The following KCNQ1 variants were observed in gnomAD, a reference collection of about 807,000 sequenced individuals.
KCNQ1 encodes potassium voltage-gated channel subfamily KQT member 1.
A neutral mutation model predicts 72.4 loss-of-function variants in KCNQ1; 49 were observed. That is an observed-to-expected ratio of 0.68 (90% CI 0.54 to 0.86). The LOEUF (loss-of-function observed/expected upper bound fraction) is 0.86. Among genes scored for constraint, KCNQ1 ranks in the 40% least tolerant of loss-of-function variants. The probability of loss-of-function intolerance (pLI) is 0.00; values close to 1 mark genes in which losing one functional copy is unlikely to be tolerated. For synonymous variants in KCNQ1, 450 were observed against 412.6 expected (o/e 1.09, Z -1.10); for missense variants, 790 against 945.1 (o/e 0.84, Z 2.15).
Position 2,848,635 on chromosome 11 carries a change from C to A in KCNQ1, c.*632C>A, listed in dbSNP as rs568824453. The A allele has an allele frequency of 6.6e-6, 3 of 452,054 alleles. No homozygotes were observed. In the Admixed American group the frequency reaches 7.1e-5, roughly 11 times the overall value. 28.0% of individuals were successfully genotyped at this position (452,054 alleles called of 1,614,324 possible). On this transcript the variant is annotated 3_prime_UTR_variant, in exon 16 of 16. Coordinates refer to ENST00000155840, the MANE Select transcript of KCNQ1 (RefSeq NM_000218.3). ...ACAGTCTCACCATTTCCCCAGGGCACGTGGTTGAGTGGGGGGAACGCCCAC... is the reference window on the plus strand; with the variant it reads ...ACAGTCTCACCATTTCCCCAGGGCAAGTGGTTGAGTGGGGGGAACGCCCAC...
In KCNQ1 at chr11:2,767,186, A is replaced by AT. The variant is rs113175447; in HGVS notation, c.1515-1647dup. On this transcript the variant is annotated intron_variant, in intron 11 of 15. Transcript: ENST00000155840. This position sits in a 1 kb window ranked among gnomAD's most constrained non-coding sequence, Gnocchi z 4.6. Reference sequence around the variant, plus strand: ...CATCTATATGTGTGTGTGTGTGTGTATTTTTTTTTTTCTTTGCTTAGCTAG... The same window carrying AT: ...CATCTATATGTGTGTGTGTGTGTGTATTTTTTTTTTTTCTTTGCTTAGCTAG... 7.5e-4 allele frequency among the ~76,000 whole-genome samples: 111 copies of AT among 147,580 alleles called. No individual in the cohort carries two copies. The highest frequency in any genetic ancestry group is 1.0e-3 in the Non-Finnish European group (69 of 66,578).
chr11:2,827,979 G>A lies in KCNQ1; in HGVS notation c.1795-19788G>A, dbSNP rs370478796. Among the ~76,000 whole-genome samples, 24 of 152,288 alleles carry A rather than the reference G, an allele frequency of 1.6e-4. No individual in the cohort carries two copies. Among genetic ancestry groups the A allele is most frequent in the South Asian group, 4.1e-4 (2 of 4,822 alleles). On this transcript the variant is annotated intron_variant, in intron 15 of 15. Coordinates refer to ENST00000155840, the MANE Select transcript of KCNQ1 (RefSeq NM_000218.3). This position sits in a 1 kb window ranked among gnomAD's most constrained non-coding sequence, Gnocchi z 6.7. The stretch of plus-strand genomic sequence containing the variant: ...CCCTGAGTCCAAGCCAGGCACCACC[G>A]GGCACATAGAGGTCTTGAAAGCTCG...
intron 10 of KCNQ1, chr11:2,646,609 T>C: frequency 2.5e-6 from 1 of 398,702 alleles, no homozygotes; most frequent in East Asian, 3.6e-5. Context: ...CACTGCAACC[T>C]TCACCTCCGA....
rs1474846324 is a variant in KCNQ1 at position 2,549,594 on chromosome 11, GACAC to G, written c.478-21033_478-21030del. On this transcript the variant is annotated intron_variant, in intron 2 of 15. Coordinates refer to ENST00000155840, the MANE Select transcript of KCNQ1 (RefSeq NM_000218.3). The surrounding 1 kb of genome is among the most constrained non-coding windows in gnomAD (Gnocchi z 6.2). ...CGTGACCTGCTCATAGCACAGCTGG[GACAC>G]TTCCAGTGACTGCTCTGCGAGGCCC... Among the ~76,000 whole-genome samples, 2 of 150,702 alleles carry G rather than the reference GACAC, an allele frequency of 1.3e-5. No homozygotes were observed. The highest frequency in any genetic ancestry group is 6.6e-5 in the Admixed American group (1 of 15,176).
At position 2,682,545 on chromosome 11, in the gene KCNQ1, C is replaced by T. The variant is rs1850416871; in HGVS notation, c.1514+20464C>T. On this transcript the variant is annotated intron_variant, in intron 11 of 15. Transcript: ENST00000155840. The surrounding 1 kb of genome is among the most constrained non-coding windows in gnomAD (Gnocchi z 5.8). ...GTCAAACCAGGTGCTAGGACCCTGG[C>T]AGGGGTTCCATAAGGCTATGCTGGG... The T allele has an allele frequency of 5.0e-6, 2 of 398,514 alleles. No individual in the cohort carries two copies. Among genetic ancestry groups the T allele is most frequent in the Non-Finnish European group, 8.8e-6 (2 of 226,056 alleles). 24.7% of individuals were successfully genotyped at this position (398,514 alleles called of 1,614,324 possible). A position where few individuals can be genotyped will look rare whatever the true frequency, so the allele number is the denominator to read the frequency against.
Position 2,647,938 on chromosome 11 carries a change from G to A in KCNQ1, c.1394-14023G>A, listed in dbSNP as rs570982327. 4.3e-5 allele frequency: 17 copies of A among 397,994 alleles called. No individual in the cohort carries two copies. Among genetic ancestry groups the A allele is most frequent in the East Asian group, 1.1e-4 (3 of 28,038 alleles). 24.7% of individuals were successfully genotyped at this position (397,994 alleles called of 1,614,324 possible). A position where few individuals can be genotyped will look rare whatever the true frequency, so the allele number is the denominator to read the frequency against. ...TTCAAAAAATCAGTTTTTTGGCTGG[G>A]TTTGTTGGCTCACACCTGTAAACCC... On this transcript the variant is annotated intron_variant, in intron 10 of 15. Coordinates refer to ENST00000155840, the MANE Select transcript of KCNQ1 (RefSeq NM_000218.3). This position sits in a 1 kb window ranked among gnomAD's most constrained non-coding sequence, Gnocchi z 4.0.
chr11:2,815,307 G>T lies in KCNQ1; in HGVS notation c.1795-32460G>T, dbSNP rs1200236041. 6.6e-6 allele frequency among the ~76,000 whole-genome samples: 1 copy of T among 152,162 alleles called. No homozygotes were observed. The highest frequency in any genetic ancestry group is 1.5e-5 in the Non-Finnish European group (1 of 68,032). ...ACTAGAGCCCACATAGGTCTTATGGGTGCCACAGCAGGGACCCCACTGGAC... is the reference window on the plus strand; with the variant it reads ...ACTAGAGCCCACATAGGTCTTATGGTTGCCACAGCAGGGACCCCACTGGAC... On this transcript the variant is annotated intron_variant, in intron 15 of 15. Coordinates refer to ENST00000155840, the MANE Select transcript of KCNQ1 (RefSeq NM_000218.3). This position sits in a 1 kb window ranked among gnomAD's most constrained non-coding sequence, Gnocchi z 5.4.
At chr11:2,476,250 G>T (rs1248248855) in intron 1 of KCNQ1, among the ~76,000 whole-genome samples, 2 of 152,050 alleles carry the variant, frequency 1.3e-5, no homozygotes, top group Non-Finnish European at 2.9e-5. Flanking sequence ...AAGAACCTAT[G>T]CTGGATATCT....
At chr11:2,758,685 CAG>C (rs1300158265) in intron 11 of KCNQ1, among the ~76,000 whole-genome samples, 1 of 152,234 alleles carries the variant, frequency 6.6e-6, no homozygotes, top group Non-Finnish European at 1.5e-5. Flanking sequence ...AACAGGCAAA[CAG>C]TGGTGCATCC....
rs1851026622 is a variant in KCNQ1, at chr11:2,712,733, A to G, written c.1514+50652A>G. ...TCAGCCTTCCTTGCCATCCGCAACCACACCAGTGGCTGGAAAGCCAGAGTC... is the reference window on the plus strand; with the variant it reads ...TCAGCCTTCCTTGCCATCCGCAACCGCACCAGTGGCTGGAAAGCCAGAGTC... On this transcript the variant is annotated intron_variant, in intron 11 of 15. Coordinates refer to ENST00000155840, the MANE Select transcript of KCNQ1 (RefSeq NM_000218.3). The surrounding 1 kb of genome is among the most constrained non-coding windows in gnomAD (Gnocchi z 6.4). Among the ~76,000 whole-genome samples, 1 of 152,152 alleles carries G rather than the reference A, an allele frequency of 6.6e-6. No individual in the cohort carries two copies. The highest frequency in any genetic ancestry group is 2.1e-4 in the South Asian group (1 of 4,824).
chr11:2,651,527 T>C lies in KCNQ1; in HGVS notation c.1394-10434T>C. The C allele has an allele frequency of 2.5e-6, 1 of 398,642 alleles. No homozygotes were observed. Among genetic ancestry groups the C allele is most frequent in the Non-Finnish European group, 4.4e-6 (1 of 226,080 alleles). 24.7% of individuals were successfully genotyped at this position (398,642 alleles called of 1,614,324 possible). A position where few individuals can be genotyped will look rare whatever the true frequency, so the allele number is the denominator to read the frequency against. ...GTGAAGAACGTGAATGCTAAGGGCA[T>C]ATGAGTGTGTCCCTGAGAACATGGA... is the stretch of plus-strand genomic sequence containing the variant. On this transcript the variant is annotated intron_variant, in intron 10 of 15. Transcript: ENST00000155840. This position sits in a 1 kb window ranked among gnomAD's most constrained non-coding sequence, Gnocchi z 6.1.
At chr11:2,777,928 G>C in intron 14 of KCNQ1, 48 bp from the exon 15 acceptor site, 1 of 1,585,348 alleles carries the variant, frequency 6.3e-7, no homozygotes, top group Middle Eastern at 1.7e-4. Flanking sequence ...TGGGGTCCCC[G>C]GCCCACCCCA....
At chr11:2,524,243 G>A (rs78444634) in intron 1 of KCNQ1, among the ~76,000 whole-genome samples, 1,705 of 152,198 alleles carry the variant, frequency 0.011, 31 homozygotes, top group African/African-American at 0.039. Flanking sequence ...CCCTGCTCAC[G>A]TGCACCAAGA....
rs1383735415 is a variant in KCNQ1, at chr11:2,446,977, C to T, written c.386+1493C>T. Among the ~76,000 whole-genome samples, 1 of 152,196 alleles carries T rather than the reference C, an allele frequency of 6.6e-6. No individual in the cohort carries two copies. The highest frequency in any genetic ancestry group is 1.5e-5 in the Non-Finnish European group (1 of 68,042). ...GTGCTGTGTGCTGGTGGCCACCTGC[C>T]TCCCGGACCCCAGACTCTCTGAGAT... On this transcript the variant is annotated intron_variant, in intron 1 of 15. Transcript: ENST00000155840. The surrounding 1 kb of genome is among the most constrained non-coding windows in gnomAD (Gnocchi z 8.8).
At chr11:2,707,211 G>A (rs913889979) in intron 11 of KCNQ1, among the ~76,000 whole-genome samples, 1 of 152,182 alleles carries the variant, frequency 6.6e-6, no homozygotes, top group Non-Finnish European at 1.5e-5. Context: ...ATGAGAAGTA[G>A]CACCAAAGCT....
At chr11:2,839,256 A>AGAG (rs1376830355) in intron 15 of KCNQ1, among the ~76,000 whole-genome samples, 1 of 152,178 alleles carries the variant, frequency 6.6e-6, no homozygotes, top group Non-Finnish European at 1.5e-5. Flanking sequence ...TTCCAAGGGA[A>AGAG]GAGGGCAAAG....
Position 2,679,967 on chromosome 11 carries a change from T to C in KCNQ1, c.1514+17886T>C. Reference sequence around the variant, plus strand: ...GGAATGCAGTGGCACAGTCTCGGCTTACTGCAACCTCTACCTCCTGGGTTC... The same window carrying C: ...GGAATGCAGTGGCACAGTCTCGGCTCACTGCAACCTCTACCTCCTGGGTTC... On this transcript the variant is annotated intron_variant, in intron 11 of 15. Coordinates refer to ENST00000155840, the MANE Select transcript of KCNQ1 (RefSeq NM_000218.3). The surrounding 1 kb of genome is among the most constrained non-coding windows in gnomAD (Gnocchi z 4.8). The C allele has an allele frequency of 2.5e-6, 1 of 397,308 alleles. No homozygotes were observed. Among genetic ancestry groups the C allele is most frequent in the Non-Finnish European group, 4.4e-6 (1 of 225,836 alleles). The allele number at this position is 397,308 out of a possible 1,614,324, so 24.6% of individuals were successfully genotyped here.
intron 1 of KCNQ1, among the ~76,000 whole-genome samples, chr11:2,506,749 C>T (rs572795309): frequency 2.6e-5 from 4 of 152,360 alleles, no homozygotes; most frequent in Admixed American, 2.0e-4. Flanking sequence ...TCTACAGTTG[C>T]GCCAGCAGCG....
At chr11:2,633,311 TC>T in intron 10 of KCNQ1, 1 of 398,582 alleles carries the variant, frequency 2.5e-6, no homozygotes, top group Non-Finnish European at 4.4e-6. Flanking sequence ...GAATATTTTC[TC>T]CCATTCTACA....
Sources: allele counts gnomAD v4.1 joint callset (sites outside exome capture counted in the v4.1 genomes callset), GRCh38; gene constraint gnomAD v4.1.1; non-coding constraint Gnocchi (gnomAD v3.1); transcripts MANE v1.5; gene names NCBI Gene and HGNC (gene_info 2026-07-23, HGNC 2026-07-21).